Variants in ULK4 observed in about 807,000 individuals in gnomAD.
ULK4 encodes the protein inactive serine/threonine-protein kinase ULK4.
A neutral mutation model predicts 160.6 loss-of-function variants in ULK4; 133 were observed. That is an observed-to-expected ratio of 0.83 (90% confidence interval 0.72 to 0.96). The LOEUF (loss-of-function observed/expected upper bound fraction) is 0.96, where lower values mean the gene tolerates loss of function less well. Ranked by LOEUF, ULK4 falls within the 40% of genes least tolerant of loss-of-function variation. The pLI is 0.00. For missense variants in ULK4, 1,580 were observed against 1,499.5 expected (o/e 1.05, Z -0.89); for synonymous variants, 534 against 539.8 (o/e 0.99, Z 0.15).
At chr3:41,946,931 A>G (rs1700129491) in intron 2 of ULK4, among the ~76,000 whole-genome samples, 1 of 152,126 alleles carries the variant, frequency 6.6e-6, no homozygotes, top group Admixed American at 6.6e-5. Flanking sequence ...CCCTGAATTA[A>G]GCCTTTGACG....
intron 30 of ULK4, among the ~76,000 whole-genome samples, chr3:41,654,954 C>T (rs1319843155): frequency 6.6e-6 from 1 of 152,128 alleles, no homozygotes; most frequent in African/African-American, 2.4e-5. Flanking sequence ...CACTGTGAGG[C>T]TTTTCAATAT....
chr3:41,518,924 A>C (rs1360153684), intron 32 of ULK4, among the ~76,000 whole-genome samples: 1 of 152,222 alleles, frequency 6.6e-6, no homozygotes, highest in African/African-American at 2.4e-5. Context: ...CTTTCATTAC[A>C]TTAACTTCTC....
chr3:41,315,613 C>T (rs1400407154), intron 35 of ULK4, among the ~76,000 whole-genome samples: 1 of 152,154 alleles, frequency 6.6e-6, no homozygotes, highest in African/African-American at 2.4e-5. Context: ...AACCACAGGC[C>T]TCTCCATCCC....
In ULK4 at chr3:41,279,274, AAC is replaced by A. The variant is rs1491010404; in HGVS notation, c.3679-29702_3679-29701del. Among the ~76,000 whole-genome samples, 813 of 145,908 alleles carry A rather than the reference AAC, an allele frequency of 5.6e-3. 19 individuals carry two copies. The highest frequency in any genetic ancestry group is 0.02 in the African/African-American group (749 of 36,830). On this transcript the variant is annotated intron_variant, in intron 35 of 36. Transcript: ENST00000301831. ...AAAGAGTAAAAAAAAAAAAAAAAAA[AAC>A]AAAACGACAAAGCCTCCAAGAAATA...
At chr3:41,472,682 C>T (rs2084024483) in intron 32 of ULK4, among the ~76,000 whole-genome samples, 1 of 151,940 alleles carries the variant, frequency 6.6e-6, no homozygotes, top group Non-Finnish European at 1.5e-5. Context: ...CTGTTGAATT[C>T]TACCAAACTT....
intron 20 of ULK4, among the ~76,000 whole-genome samples, chr3:41,799,003 G>A (rs1420799467): frequency 1.3e-5 from 2 of 152,138 alleles, no homozygotes; most frequent in African/African-American, 2.4e-5. Context: ...TACTTATATG[G>A]CAGAAAGCAG....
chr3:41,529,048 A>G (rs2086214799), intron 32 of ULK4, among the ~76,000 whole-genome samples: 1 of 152,244 alleles, frequency 6.6e-6, no homozygotes, highest in Non-Finnish European at 1.5e-5. Context: ...GTATTAGCTT[A>G]GCAGAGAAGA....
chr3:41,689,630 G>A (rs2036216099), intron 27 of ULK4, among the ~76,000 whole-genome samples: 1 of 152,112 alleles, frequency 6.6e-6, no homozygotes, highest in Non-Finnish European at 1.5e-5. Context: ...AGTGGGCAAA[G>A]GACATGAATA....
At chr3:41,940,194 G>T (rs1470771443) in intron 2 of ULK4, among the ~76,000 whole-genome samples, 2 of 152,048 alleles carry the variant, frequency 1.3e-5, no homozygotes, top group African/African-American at 2.4e-5. Context: ...CGAAGCGCCA[G>T]GCCCCTCATT....
chr3:41,805,347 T>A (rs929291212), intron 19 of ULK4, among the ~76,000 whole-genome samples: 3 of 152,342 alleles, frequency 2.0e-5, no homozygotes, highest in African/African-American at 7.2e-5. Flanking sequence ...TCCTGAGACT[T>A]TGCTGAATTT....
At chr3:41,387,436 A>C (rs1575498705) in intron 35 of ULK4, among the ~76,000 whole-genome samples, 1 of 151,978 alleles carries the variant, frequency 6.6e-6, no homozygotes, top group Non-Finnish European at 1.5e-5. Context: ...GGATAGTTAC[A>C]TATGTATACA....
chr3:41,706,835 A>G (rs1480273588), intron 25 of ULK4, among the ~76,000 whole-genome samples: 1 of 125,634 alleles, frequency 8.0e-6, no homozygotes, highest in African/African-American at 5.0e-5. Flanking sequence ...CTCAAAAAAA[A>G]AAAAAAAAAA....
chr3:41,477,943 C>A (rs1273171283), intron 32 of ULK4, among the ~76,000 whole-genome samples: 2 of 152,232 alleles, frequency 1.3e-5, no homozygotes, highest in Non-Finnish European at 2.9e-5. Flanking sequence ...CTAACATGCT[C>A]ACCTAGGTTG....
chr3:41,747,495 G>T (rs2038458205), intron 22 of ULK4, among the ~76,000 whole-genome samples: 1 of 150,218 alleles, frequency 6.7e-6, no homozygotes, highest in Admixed American at 6.6e-5. Flanking sequence ...GTAGAAAATG[G>T]TAGTTAGGAA....
intron 32 of ULK4, among the ~76,000 whole-genome samples, chr3:41,538,558 T>C (rs779555851): frequency 2.6e-5 from 4 of 152,136 alleles, no homozygotes; most frequent in Non-Finnish European, 4.4e-5. Context: ...GTTTACAGTA[T>C]TACACTGAAC....
At chr3:41,506,779 T>A (rs375151179) in intron 32 of ULK4, among the ~76,000 whole-genome samples, 3,274 of 18,076 alleles carry the variant, frequency 0.18, 454 homozygotes, top group Non-Finnish European at 0.32. Context: ...TATATATATA[T>A]ATATATATAT....
intron 32 of ULK4, among the ~76,000 whole-genome samples, chr3:41,526,767 G>A (rs1433339707): frequency 2.6e-5 from 4 of 152,148 alleles, no homozygotes; most frequent in Non-Finnish European, 5.9e-5. Context: ...ACAATATTTG[G>A]CCAGTATCCT....
chr3:41,960,495 C>A (rs7639859), intron 1 of ULK4, among the ~76,000 whole-genome samples: 2 of 151,668 alleles, frequency 1.3e-5, no homozygotes, highest in Non-Finnish European at 2.9e-5. Context: ...CCAGAGTAGC[C>A]ACCTCAGCCT....
chr3:41,546,766 TTAAAAAAAA>T (rs764331474), intron 32 of ULK4, among the ~76,000 whole-genome samples: 3 of 122,276 alleles, frequency 2.5e-5, no homozygotes, highest in Admixed American at 8.1e-5. Flanking sequence ...CCCTAGGCCC[TTAAAAAAAA>T]AAAAAAAAAA....
Sources: allele counts gnomAD v4.1 joint callset (sites outside exome capture counted in the v4.1 genomes callset), GRCh38; gene constraint gnomAD v4.1.1; transcripts MANE v1.5; gene names NCBI Gene and HGNC (gene_info 2026-07-23, HGNC 2026-07-21).